PCM1: variants seen among roughly 807,000 people sequenced by gnomAD.
PCM1 encodes the protein pericentriolar material 1 protein.
Under a neutral mutation model 241.9 loss-of-function variants are expected in PCM1, and 157 were observed. The ratio of observed to expected loss-of-function variants is 0.65; its 90% CI spans 0.57 to 0.74. The LOEUF is 0.74. Ranked by LOEUF, PCM1 falls within the 30% of genes least tolerant of loss-of-function variation. PCM1 has a pLI of 0.00. For missense variants in PCM1, 3,478 were observed against 2,360.1 expected (o/e 1.47, Z -9.81); for synonymous variants, 1,085 against 784.9 (o/e 1.38, Z -6.39).
rs1422577855 is a variant in PCM1 at position 17,966,384 on chromosome 8, C to G, written c.3132C>G (p.Ser1044Arg). The G allele has an allele frequency of 6.2e-7, 1 of 1,613,378 alleles. No individual in the cohort carries two copies. Among genetic ancestry groups the G allele is most frequent in the Non-Finnish European group, 8.5e-7 (1 of 1,179,330 alleles). The change falls in exon 20 of 39, where the codon AGC becomes AGG. Residue 1044 changes from serine (S) to arginine (R), a missense_variant. By Grantham distance (110) the Ser-to-Arg change is moderately radical. Transcript: ENST00000325083. ...LLTGPYSVMPSNVASPQVHFI... is the reference protein window; with the variant it reads ...LLTGPYSVMPRNVASPQVHFI... ...CGGGTCCTTACAGTGTTATGCCCAG[C>G]AATGTTGCATCTCCTCAAGTACACT...
chr8:17,959,953 G>T lies in PCM1; in HGVS notation c.2041-61G>T, dbSNP rs139378749. The T allele has an allele frequency of 1.9e-5, 28 of 1,483,500 alleles. No individual in the cohort carries two copies. In the African/African-American group the frequency reaches 3.1e-4, roughly 16 times the overall value. The allele number at this position is 1,483,500 out of a possible 1,614,324, so 91.9% of individuals were successfully genotyped here. The stretch of plus-strand genomic sequence containing the variant: ...TTACAGACTAGTGGTATTTACTAAG[G>T]TATGAATTGGATAATGTCTTGAGGT... On this transcript the variant is annotated intron_variant, in intron 13 of 38. Transcript: ENST00000325083.
intron 5 of PCM1, 88 bp downstream of exon 5, chr8:17,939,097 G>A (rs1484554636): frequency 2.3e-6 from 3 of 1,315,624 alleles, no homozygotes; most frequent in Non-Finnish European, 3.2e-6. Context: ...ACGCACACAG[G>A]AATTTTAGTT....
chr8:17,982,557 C>T (rs146652849), intron 24 of PCM1: 1,890 of 152,104 alleles, frequency 0.012, 20 homozygotes, highest in South Asian at 0.033. Flanking sequence ...TGCAGTGGTG[C>T]GACCTCGGCT....
At chr8:18,010,954 C>G (rs751093698) in intron 32 of PCM1, among the ~76,000 whole-genome samples, 14 of 152,180 alleles carry the variant, frequency 9.2e-5, no homozygotes, top group Non-Finnish European at 1.8e-4. Context: ...GCCTGGGCAA[C>G]AGAGCTAGAC....
intron 6 of PCM1, 187 bp downstream of exon 6, chr8:17,940,048 G>T: frequency 6.4e-7 from 1 of 1,566,732 alleles, no homozygotes; most frequent in African/African-American, 1.3e-5. Flanking sequence ...TCAGGCTAGA[G>T]AAAATGAGGA....
At chr8:18,025,209 C>T in intron 36 of PCM1, 152 bp from the exon 37 acceptor site, 2 of 330,260 alleles carry the variant, frequency 6.1e-6, no homozygotes, top group Admixed American at 5.1e-5. Context: ...GTAGCTTTTC[C>T]TATGAACTGC....
intron 31 of PCM1, among the ~76,000 whole-genome samples, chr8:18,010,087 C>A (rs910584675): frequency 1.2e-4 from 19 of 152,210 alleles, no homozygotes; most frequent in African/African-American, 4.6e-4. Context: ...TTATTGATCC[C>A]TGTAGATTCT....
At chr8:17,934,271 T>TC (rs1041235077) in intron 2 of PCM1, among the ~76,000 whole-genome samples, 33 of 151,510 alleles carry the variant, frequency 2.2e-4, no homozygotes, top group South Asian at 6.2e-4. Context: ...TTTTAATCTT[T>TC]TTTTTTTTTG....
chr8:17,928,558 C>T (rs570111704), intron 2 of PCM1, among the ~76,000 whole-genome samples: 1 of 149,628 alleles, frequency 6.7e-6, no homozygotes, highest in Non-Finnish European at 1.5e-5. Context: ...CCCGCTTTCT[C>T]AGAGCCCACA....
In PCM1 at chr8:17,962,192, C is replaced by T; in HGVS notation, c.2463+18C>T. The T allele has an allele frequency of 1.9e-6, 3 of 1,582,162 alleles. No homozygotes were observed. The highest frequency in any genetic ancestry group is 2.3e-5 in the East Asian group (1 of 44,300). ...ATAATGAGGTATTGTAAATTGTACT[C>T]TCTTGTTCCTGAGTTAGTCTTTTGT... On this transcript the variant is annotated intron_variant, in intron 16 of 38. Coordinates refer to ENST00000325083, the MANE Select transcript of PCM1 (RefSeq NM_006197.4).
At chr8:18,010,215 G>C (rs1288847827) in intron 31 of PCM1, among the ~76,000 whole-genome samples, 2 of 152,158 alleles carry the variant, frequency 1.3e-5, no homozygotes, top group Non-Finnish European at 2.9e-5. Context: ...TTGATCACAG[G>C]TGAGATTGGA....
chr8:17,924,054 G>A (rs1196473523), intron 1 of PCM1, among the ~76,000 whole-genome samples: 1 of 151,446 alleles, frequency 6.6e-6, no homozygotes, highest in Non-Finnish European at 1.5e-5. Context: ...TACGGGTGAC[G>A]GTTCGTGTTT....
intron 23 of PCM1, among the ~76,000 whole-genome samples, chr8:17,975,520 A>T (rs1418970546): frequency 6.6e-6 from 1 of 152,116 alleles, no homozygotes; most frequent in Non-Finnish European, 1.5e-5. Flanking sequence ...AAAAGTTTAG[A>T]AAGCCTTTCA....
At chr8:18,001,842 T>G (rs2089537367) in intron 29 of PCM1, among the ~76,000 whole-genome samples, 1 of 152,068 alleles carries the variant, frequency 6.6e-6, no homozygotes, top group Non-Finnish European at 1.5e-5. Context: ...AGAAACTGCT[T>G]TCTCTGTATC....
At chr8:18,021,454 G>A (rs531116992) in intron 36 of PCM1, among the ~76,000 whole-genome samples, 9 of 152,222 alleles carry the variant, frequency 5.9e-5, no homozygotes, top group Admixed American at 2.0e-4. Flanking sequence ...ACATTCTTGC[G>A]GTAGTGTACC....
intron 2 of PCM1, among the ~76,000 whole-genome samples, chr8:17,929,984 C>G (rs372593214): frequency 1.1e-4 from 16 of 152,084 alleles, no homozygotes; most frequent in African/African-American, 3.6e-4. Context: ...AATCCTGTAA[C>G]ACAAAACTGC....
In PCM1 at chr8:18,025,458, T is replaced by G; in HGVS notation, c.5934+5T>G. ...AAACTGACAATATATTCAGAGGTAT[T>G]TAGCTGTCTTTAATTAAACTTGTCT... On this transcript the variant is annotated splice_donor_5th_base_variant and intron_variant, in intron 37 of 38. Coordinates refer to ENST00000325083, the MANE Select transcript of PCM1 (RefSeq NM_006197.4). The G allele has an allele frequency of 6.5e-7, 1 of 1,548,256 alleles. No individual in the cohort carries two copies. Among genetic ancestry groups the G allele is most frequent in the Non-Finnish European group, 8.9e-7 (1 of 1,126,164 alleles).
chr8:17,955,538 G>A lies in PCM1; in HGVS notation c.1357G>A (p.Val453Ile), dbSNP rs957724175. The A allele has an allele frequency of 2.5e-6, 4 of 1,613,556 alleles. No homozygotes were observed. The highest frequency in any genetic ancestry group is 2.7e-5 in the African/African-American group (2 of 74,904). Reference protein sequence around the residue: ...APSASVGLAPVVNGESNSLTS... With the variant: ...APSASVGLAPIVNGESNSLTS... ...CTCTGCTTCTGTAGGCTTGGCACCG[G>A]TTGTCAATGGAGAATCCAATAGCCT... Residue 453 changes from valine to isoleucine, a missense_variant, in exon 10 of 39, where the codon GTT becomes ATT. Transcript: ENST00000325083.
intron 2 of PCM1, chr8:17,934,882 G>A (rs752161089): frequency 1.3e-5 from 2 of 152,080 alleles, no homozygotes; most frequent in Non-Finnish European, 2.9e-5. Context: ...TCCCTTTCTT[G>A]ATTTTCACAT....
Sources: gnomAD v4.1 joint callset for allele counts (sites outside exome capture counted in the v4.1 genomes callset) on GRCh38, gnomAD v4.1.1 for gene constraint, MANE v1.5 for transcripts, NCBI Gene and HGNC (gene_info 2026-07-23, HGNC 2026-07-21) for gene names.